NTRK3: variants seen among roughly 807,000 people sequenced by gnomAD.
NTRK3 encodes the protein NT-3 growth factor receptor.
In NTRK3, 24 loss-of-function variants were observed where a neutral mutation model predicts 91.7. The observed-to-expected ratio is 0.26, with a 90% CI of 0.19 to 0.37. The LOEUF (loss-of-function observed/expected upper bound fraction) is 0.37, where lower values mean the gene tolerates loss of function less well. Ranked by LOEUF, NTRK3 falls within the 10% of genes least tolerant of loss-of-function variation. The pLI is 1.00. For synonymous variants in NTRK3, 483 were observed against 404.0 expected, an observed-to-expected ratio of 1.20 and a Z score of -2.34; for missense variants, 880 against 1,068.9, an observed-to-expected ratio of 0.82 and a Z score of 2.46.
chr15:88,008,987 T>C (rs916677012), intron 14 of NTRK3, among the ~76,000 whole-genome samples: 1 of 152,206 alleles, frequency 6.6e-6, no homozygotes, highest in African/African-American at 2.4e-5. Context: ...ACTCTCAGGT[T>C]AAAGAAGAAC....
At chr15:87,891,094 A>G (rs1030091013) in intron 17 of NTRK3, among the ~76,000 whole-genome samples, 8 of 152,054 alleles carry the variant, frequency 5.3e-5, no homozygotes, top group Non-Finnish European at 1.2e-4. Flanking sequence ...CTTTATCCTA[A>G]TTTGTTTAAA....
Position 87,970,076 on chromosome 15 carries a change from A to G in NTRK3, c.1586-29323T>C, listed in dbSNP as rs577577322. 3.3e-5 allele frequency among the ~76,000 whole-genome samples: 5 copies of G among 152,320 alleles called. No individual in the cohort carries two copies. The South Asian group carries it at 6.2e-4, about 19-fold the overall frequency. On this transcript the variant is annotated intron_variant, in intron 14 of 18. Coordinates refer to ENST00000394480, the Ensembl canonical transcript of NTRK3. ...CATCTGTCCAGGCAGGGTCTTTTAC[A>G]TGAGGATCAGCAAACTCTACTAGCT...
chr15:88,084,086 CTT>C (rs764435924), intron 13 of NTRK3, among the ~76,000 whole-genome samples: 31 of 135,780 alleles, frequency 2.3e-4, no homozygotes, highest in African/African-American at 3.8e-4. Flanking sequence ...GTCCAAGTGC[CTT>C]TTTTTTTTTT....
chr15:88,121,983 C>T (rs370781040), intron 13 of NTRK3, among the ~76,000 whole-genome samples: 6 of 152,170 alleles, frequency 3.9e-5, no homozygotes, highest in East Asian at 1.9e-4. Flanking sequence ...AAAGCATGTT[C>T]GGTTTGTTTC....
chr15:87,989,700 A>G (rs2075135344), intron 14 of NTRK3, among the ~76,000 whole-genome samples: 1 of 152,126 alleles, frequency 6.6e-6, no homozygotes, highest in Non-Finnish European at 1.5e-5. Context: ...TGACACGAAA[A>G]AAAAAAAGAG....
chr15:87,866,066 GT>G (rs1481155462), exon 19 of NTRK3: 1 of 229,984 alleles, frequency 4.3e-6, no homozygotes, highest in Non-Finnish European at 8.6e-6. Flanking sequence ...TATGTTAACA[GT>G]TATGATCTCA....
intron 17 of NTRK3, among the ~76,000 whole-genome samples, chr15:87,893,869 AG>A (rs1257638362): frequency 2.0e-5 from 3 of 152,186 alleles, no homozygotes; most frequent in Non-Finnish European, 4.4e-5. Context: ...GAGGGATTCA[AG>A]CTTCCTCTGT....
intron 17 of NTRK3, among the ~76,000 whole-genome samples, chr15:87,905,959 G>C (rs775206774): frequency 3.9e-5 from 6 of 152,180 alleles, no homozygotes; most frequent in Admixed American, 1.3e-4. Context: ...AATCAGCAAA[G>C]ACATGGACAA....
At chr15:88,187,711 A>G (rs188734821) in intron 3 of NTRK3, among the ~76,000 whole-genome samples, 82 of 152,222 alleles carry the variant, frequency 5.4e-4, no homozygotes, top group Admixed American at 2.2e-3. Flanking sequence ...AGGCGGGTGG[A>G]TCATTCATGG....
At chr15:88,032,759 G>T in intron 14 of NTRK3, 98 bp downstream of exon 14, 1 of 1,334,924 alleles carries the variant, frequency 7.5e-7, no homozygotes, top group Non-Finnish European at 1.1e-6. Flanking sequence ...TTGGCAGGTA[G>T]CAGGTCACCC....
At chr15:88,079,958 G>A (rs1318277303) in intron 13 of NTRK3, among the ~76,000 whole-genome samples, 1 of 151,886 alleles carries the variant, frequency 6.6e-6, no homozygotes, top group Non-Finnish European at 1.5e-5. Context: ...ATAAAATTAG[G>A]ATTATATTAA....
intron 17 of NTRK3, chr15:87,916,308 GAA>G (rs11353828): frequency 8.0e-3 from 2,642 of 329,070 alleles, no homozygotes; most frequent in Middle Eastern, 0.011. Context: ...TTTGTCTCAG[GAA>G]AAAAAAAAAA....
rs1326056961 is a variant in NTRK3 at position 88,233,640 on chromosome 15, T to G, written c.248+22266A>C. 6.6e-6 allele frequency among the ~76,000 whole-genome samples: 1 copy of G among 152,070 alleles called. No homozygotes were observed. The highest frequency in any genetic ancestry group is 2.4e-5 in the African/African-American group (1 of 41,396). Reference sequence around the variant, plus strand: ...CTCTCTTCCTTCCACAAAAACCAAATGCAGGGTCTTGGTTTCTTTTGCCTG... The same window carrying G: ...CTCTCTTCCTTCCACAAAAACCAAAGGCAGGGTCTTGGTTTCTTTTGCCTG... On this transcript the variant is annotated intron_variant, in intron 3 of 18. Coordinates refer to ENST00000394480, the Ensembl canonical transcript of NTRK3. This position sits in a 1 kb window ranked among gnomAD's most constrained non-coding sequence, Gnocchi z 4.2.
intron 14 of NTRK3, among the ~76,000 whole-genome samples, chr15:87,943,072 C>T (rs144824787): frequency 2.2e-4 from 34 of 151,960 alleles, no homozygotes; most frequent in African/African-American, 8.0e-4. Context: ...ATCACCTAGA[C>T]GGCTTGTTAC....
chr15:87,957,954 G>A (rs2071843764), intron 14 of NTRK3, among the ~76,000 whole-genome samples: 1 of 152,184 alleles, frequency 6.6e-6, no homozygotes, highest in Admixed American at 6.5e-5. Context: ...GAACTCAGGT[G>A]ACTTAGGAGA....
chr15:88,126,974 A>G (rs1331937991), intron 12 of NTRK3, among the ~76,000 whole-genome samples, 188 bp downstream of exon 12: 2 of 152,094 alleles, frequency 1.3e-5, no homozygotes, highest in African/African-American at 4.8e-5. Context: ...ATCGTCAAAC[A>G]TTTCCTCAAA....
chr15:88,128,987 G>A (rs546950711), intron 10 of NTRK3, among the ~76,000 whole-genome samples: 35 of 152,278 alleles, frequency 2.3e-4, no homozygotes, highest in Admixed American at 2.2e-3. Flanking sequence ...ATCTAGGAAC[G>A]AGAAACCAAA....
chr15:87,976,111 A>G (rs1596484220), intron 14 of NTRK3, among the ~76,000 whole-genome samples: 2 of 152,254 alleles, frequency 1.3e-5, no homozygotes, highest in South Asian at 4.2e-4. Flanking sequence ...AATCTCTCCT[A>G]TATTAAAAAT....
intron 13 of NTRK3, among the ~76,000 whole-genome samples, chr15:88,038,260 T>C (rs561170307): frequency 3.3e-5 from 5 of 152,322 alleles, no homozygotes; most frequent in Admixed American, 2.6e-4. Context: ...TTAAGCTATA[T>C]CCACAGCGGA....
Sources: gnomAD v4.1 joint callset for allele counts (sites outside exome capture counted in the v4.1 genomes callset) on GRCh38, gnomAD v4.1.1 for gene constraint, Gnocchi (gnomAD v3.1) non-coding constraint, MANE v1.5 for transcripts, NCBI Gene and HGNC (gene_info 2026-07-23, HGNC 2026-07-21) for gene names.